Variants in SGCD observed in about 807,000 individuals in gnomAD.
SGCD encodes delta-sarcoglycan.
In SGCD, 18 loss-of-function variants were observed where a neutral mutation model predicts 36.6. That is an observed-to-expected ratio of 0.49 (90% CI 0.34 to 0.73). The LOEUF (loss-of-function observed/expected upper bound fraction) is 0.73. Among genes scored for constraint, SGCD ranks in the 30% least tolerant of loss-of-function variants. SGCD has a pLI of 0.01. For missense variants in SGCD, 387 were observed against 346.7 expected (o/e 1.12, Z -0.92); for synonymous variants, 133 against 130.6 (o/e 1.02, Z -0.12).
the SGCD span, among the ~76,000 whole-genome samples, chr5:155,840,633 C>T: frequency 6.6e-6 from 1 of 150,416 alleles, no homozygotes; most frequent in East Asian, 2.0e-4. Context: ...CAGGATTATC[C>T]AGGTGCATGT....
intron 4 of SGCD, among the ~76,000 whole-genome samples, chr5:156,550,265 A>G (rs1331020389): frequency 1.3e-5 from 2 of 152,216 alleles, no homozygotes; most frequent in East Asian, 3.8e-4. Flanking sequence ...GGGGTAGGAA[A>G]TGAGATTTGG....
At chr5:156,120,857 C>T (rs575053395) in intron 2 of SGCD, among the ~76,000 whole-genome samples, 2 of 152,240 alleles carry the variant, frequency 1.3e-5, no homozygotes, top group Admixed American at 6.5e-5. Context: ...TGCTGAATTA[C>T]AGCATTGTTT....
the SGCD span, among the ~76,000 whole-genome samples, chr5:155,802,070 G>T: frequency 6.6e-6 from 1 of 152,172 alleles, no homozygotes; most frequent in African/African-American, 2.4e-5. Context: ...ATCAAAAGTG[G>T]ACGCCTGACC....
chr5:156,134,864 G>A (rs921822552), intron 3 of SGCD, among the ~76,000 whole-genome samples: 7 of 151,640 alleles, frequency 4.6e-5, no homozygotes, highest in Non-Finnish European at 8.8e-5. Context: ...TAATAATAAA[G>A]TTCCAGTTCA....
chr5:156,121,779 C>T (rs1762046987), intron 2 of SGCD, among the ~76,000 whole-genome samples: 1 of 152,090 alleles, frequency 6.6e-6, no homozygotes, highest in African/African-American at 2.4e-5. Context: ...CCCTGGATTC[C>T]TTTACTTCAT....
intron 1 of SGCD, among the ~76,000 whole-genome samples, chr5:155,907,867 T>G (rs1200583042): frequency 6.6e-6 from 1 of 152,146 alleles, no homozygotes; most frequent in East Asian, 1.9e-4. Flanking sequence ...TGAAAGAAGT[T>G]CTACTGTTGG....
At chr5:156,323,271 A>G (rs548266928), upstream of SGCD, among the ~76,000 whole-genome samples, 1 of 152,306 alleles carries the variant, frequency 6.6e-6, no homozygotes, top group South Asian at 2.1e-4. Context: ...CGTTAGATCC[A>G]GTGTACCTGC....
chr5:156,495,721 T>G (rs560132673), intron 3 of SGCD, among the ~76,000 whole-genome samples: 3 of 152,190 alleles, frequency 2.0e-5, no homozygotes, highest in African/African-American at 7.2e-5. Context: ...TCACTTATTT[T>G]CTTTTATGTG....
At chr5:156,167,028 T>G (rs796982929) in intron 3 of SGCD, among the ~76,000 whole-genome samples, 1 of 152,144 alleles carries the variant, frequency 6.6e-6, no homozygotes, top group South Asian at 2.1e-4. Flanking sequence ...CCTTCCCTAA[T>G]TCTGAGGCCT....
chr5:156,656,996 G>A (rs1255818974), intron 7 of SGCD, among the ~76,000 whole-genome samples: 6 of 152,102 alleles, frequency 3.9e-5, no homozygotes, highest in Non-Finnish European at 7.4e-5. Flanking sequence ...TGGGAAACAA[G>A]GATTAGACAA....
chr5:156,589,142 C>G, intron 4 of SGCD, 89 bp from the exon 5 acceptor site: 1 of 945,466 alleles, frequency 1.1e-6, no homozygotes, highest in South Asian at 1.6e-5. Context: ...TGGCTAAAGC[C>G]ATTTCAGCCC....
chr5:156,177,190 C>T (rs375622671), intron 3 of SGCD, among the ~76,000 whole-genome samples: 17 of 151,946 alleles, frequency 1.1e-4, no homozygotes, highest in South Asian at 4.2e-4. Context: ...TTAGTAGAGA[C>T]GGGGTTTTAC....
intron 7 of SGCD, among the ~76,000 whole-genome samples, chr5:156,704,526 GATGA>G (rs138055158): frequency 0.017 from 2,660 of 152,300 alleles, 33 homozygotes; most frequent in Non-Finnish European, 0.029. Flanking sequence ...GCTATAGCTA[GATGA>G]ATGGGAAATG....
intron 7 of SGCD, among the ~76,000 whole-genome samples, chr5:156,735,836 G>A (rs1296561548): frequency 6.6e-6 from 1 of 152,180 alleles, no homozygotes; most frequent in Admixed American, 6.5e-5. Context: ...TGGGAAGCCT[G>A]GAAAACCAGA....
At chr5:156,231,812 C>T (rs1255301732) in intron 3 of SGCD, among the ~76,000 whole-genome samples, 2 of 152,138 alleles carry the variant, frequency 1.3e-5, no homozygotes, top group Admixed American at 6.5e-5. Flanking sequence ...AGATCTGCCA[C>T]TCAGGAGAAA....
rs1554085595 is a variant in SGCD at position 156,229,277 on chromosome 5, C to CACATATATATATATAT, written c.-43-100256_-43-100255insCATATATATATATATA. On this transcript the variant is annotated intron_variant, in intron 3 of 9. Transcript: ENST00000517913. ...ACATACATACATATATATATACATACATATATATATATATATATATATAAA... is the reference window on the plus strand; with the variant it reads ...ACATACATACATATATATATACATACACATATATATATATATATATATATATATATATATATATAAA... Among the ~76,000 whole-genome samples the CACATATATATATATAT allele has an allele frequency of 2.1e-3, 119 of 56,466 alleles. 2 individuals carry two copies. The highest frequency in any genetic ancestry group is 5.5e-3 in the Admixed American group (23 of 4,178). The allele number at this position is 56,466 out of a possible 152,430, so 37.0% of individuals were successfully genotyped here. A position where few individuals can be genotyped will look rare whatever the true frequency, so the allele number is the denominator to read the frequency against.
At chr5:156,537,588 A>T (rs1383340464) in intron 4 of SGCD, among the ~76,000 whole-genome samples, 1 of 151,408 alleles carries the variant, frequency 6.6e-6, no homozygotes, top group African/African-American at 2.4e-5. Context: ...GTGTTCTTTG[A>T]TACTTCCTCT....
intron 3 of SGCD, among the ~76,000 whole-genome samples, chr5:156,292,777 G>C (rs1581223325): frequency 2.0e-5 from 3 of 151,908 alleles, no homozygotes; most frequent in African/African-American, 7.3e-5. Flanking sequence ...TTTCTCTTTT[G>C]CTGATAGTAG....
At chr5:156,310,149 A>C (rs1207671128) in intron 3 of SGCD, among the ~76,000 whole-genome samples, 1 of 152,114 alleles carries the variant, frequency 6.6e-6, no homozygotes, top group Non-Finnish European at 1.5e-5. Flanking sequence ...ATGACTTTCT[A>C]TATCCTCCCA....
Sources: allele counts gnomAD v4.1 joint callset (sites outside exome capture counted in the v4.1 genomes callset), GRCh38; gene constraint gnomAD v4.1.1; transcripts MANE v1.5; gene names NCBI Gene and HGNC (gene_info 2026-07-23, HGNC 2026-07-21).